Variants in AKAP9 observed in about 807,000 individuals in gnomAD.
The protein encoded by AKAP9 is A-kinase anchoring protein 9, also known as A-kinase anchor protein 9.
Under a neutral mutation model 488.5 loss-of-function variants are expected in AKAP9, and 311 were observed. The observed-to-expected ratio is 0.64, with a 90% CI of 0.58 to 0.70. The LOEUF (loss-of-function observed/expected upper bound fraction) is 0.70. AKAP9 is among the 30% of genes least tolerant of loss of function. The probability of loss-of-function intolerance (pLI) is 0.00; values close to 1 mark genes in which losing one functional copy is unlikely to be tolerated. For synonymous variants in AKAP9, 1,462 were observed against 1,483.5 expected (o/e 0.99, Z 0.33); for missense variants, 4,215 against 4,374.5 (o/e 0.96, Z 1.03).
In AKAP9 at chr7:92,029,981, G is replaced by A. The variant is rs758085826; in HGVS notation, c.4235G>A (p.Gly1412Asp). ...AGTTGTGTGAAAAAGAATATTGATGGTACAATAGAGGTATTATATTTTTAA... is the reference window on the plus strand; with the variant it reads ...AGTTGTGTGAAAAAGAATATTGATGATACAATAGAGGTATTATATTTTTAA... Reference protein sequence around the residue: ...PGSCVKKNIDGTIEFSGEFGV... With the variant: ...PGSCVKKNIDDTIEFSGEFGV... Residue 1412 changes from glycine (G) to aspartate (D), a missense_variant, in exon 15 of 50, where the codon GGT becomes GAT. Physicochemically the swap from Gly to Asp is moderately conservative, Grantham distance 94. This residue lies in a region of AKAP9 where 2,361 missense variants were observed against 2,430.0 expected (regional missense o/e 0.97). Transcript: ENST00000356239. 7 of 1,598,670 alleles carry A rather than the reference G, an allele frequency of 4.4e-6. No individual in the cohort carries two copies. The highest frequency in any genetic ancestry group is 5.1e-6 in the Non-Finnish European group (6 of 1,166,864).
rs760875274 is a variant in AKAP9 at position 92,031,571 on chromosome 7, A to G, written c.4305A>G (p.Gln1435=). The G allele has an allele frequency of 6.2e-7, 1 of 1,612,448 alleles. No individual in the cohort carries two copies. Among genetic ancestry groups the G allele is most frequent in the East Asian group, 2.2e-5 (1 of 44,686 alleles). The part of the protein sequence containing the change: ...ETNIVKLLEK[Q]YQEQLEEEVA... Reference sequence around the variant, plus strand: ...ATATCGTTAAGTTGCTTGAAAAACAATACCAAGAACAATTAGAAGAAGAAG... The same window carrying G: ...ATATCGTTAAGTTGCTTGAAAAACAGTACCAAGAACAATTAGAAGAAGAAG... Residue 1435 remains glutamine, a synonymous_variant, in exon 16 of 50, where the codon CAA becomes CAG. Transcript: ENST00000356239.
intron 14 of AKAP9, among the ~76,000 whole-genome samples, chr7:92,025,363 C>G (rs1417819823): frequency 6.6e-6 from 1 of 152,144 alleles, no homozygotes; most frequent in Non-Finnish European, 1.5e-5. Context: ...TTGACAAGGC[C>G]TTTGAATGAA....
At chr7:92,034,421 G>A (rs1156594651) in intron 16 of AKAP9, among the ~76,000 whole-genome samples, 2 of 150,924 alleles carry the variant, frequency 1.3e-5, no homozygotes, top group Admixed American at 6.6e-5. Context: ...GGGAAAGACA[G>A]CAAGGGCTCA....
chr7:92,006,415 T>C (rs1450307524), intron 8 of AKAP9, among the ~76,000 whole-genome samples: 1 of 152,144 alleles, frequency 6.6e-6, no homozygotes, highest in East Asian at 1.9e-4. Flanking sequence ...CCTCCTGAAA[T>C]GCTGGGATTA....
At position 92,096,673 on chromosome 7, in the gene AKAP9, G is replaced by T; in HGVS notation, c.9730-16G>T. On this transcript the variant is annotated splice_polypyrimidine_tract_variant and intron_variant, in intron 40 of 49. Coordinates refer to ENST00000356239, the MANE Select transcript of AKAP9 (RefSeq NM_005751.5). ...ATAATATTAACAAGTTCTTAAATTT[G>T]ATTTTCTCGTACCAGGATCTGAAGT... 2 of 1,613,464 alleles carry T rather than the reference G, an allele frequency of 1.2e-6. No individual in the cohort carries two copies. Among genetic ancestry groups the T allele is most frequent in the South Asian group, 2.2e-5 (2 of 90,776 alleles).
intron 1 of AKAP9, among the ~76,000 whole-genome samples, chr7:91,951,868 C>G (rs1792297774): frequency 6.6e-6 from 1 of 151,950 alleles, no homozygotes; most frequent in Non-Finnish European, 1.5e-5. Context: ...GAGTGAGACT[C>G]CGTCTCAAAA....
chr7:92,032,638 TATAAAGGAAATATATAAGGA>T (rs1157283574), intron 16 of AKAP9, among the ~76,000 whole-genome samples: 1 of 152,156 alleles, frequency 6.6e-6, no homozygotes, highest in African/African-American at 2.4e-5. Context: ...ATTGGTAGGA[TATAAAGGAAATATATAAGGA>T]ATTAGGAAAA....
intron 8 of AKAP9, among the ~76,000 whole-genome samples, chr7:92,008,983 T>TAA (rs58922447): frequency 0.012 from 1,625 of 130,698 alleles, 30 homozygotes; most frequent in African/African-American, 0.043. Context: ...AGACTCCATT[T>TAA]AAAAAAAAAA....
At chr7:92,095,366 T>A (rs1441939348) in intron 40 of AKAP9, among the ~76,000 whole-genome samples, 193 bp downstream of exon 40, 1 of 152,210 alleles carries the variant, frequency 6.6e-6, no homozygotes, top group Non-Finnish European at 1.5e-5. Flanking sequence ...TTTTTTTGTT[T>A]GTTTGTTTGT....
chr7:92,079,974 AG>A lies in AKAP9; in HGVS notation c.7843del (p.Val2615LeufsTer8), dbSNP rs1813241938. On this transcript the variant is annotated frameshift_variant, in exon 31 of 50. Coordinates refer to ENST00000356239, the MANE Select transcript of AKAP9 (RefSeq NM_005751.5). LOFTEE classifies it high-confidence loss of function. Reference protein sequence around the residue: ...LTLRISELESQVVEMHTSLIL... With the variant: ...LTLRISELESXVVEMHTSLIL... ...TTGAGAATATCAGAATTAGAAAGCC[AG>A]GTTGTTGAAATGCATACTAGTTTGA... 6.3e-7 allele frequency: 1 copy of A among 1,583,176 alleles called. No individual in the cohort carries two copies. The highest frequency in any genetic ancestry group is 8.6e-7 in the Non-Finnish European group (1 of 1,169,394).
At chr7:91,945,812 T>C (rs911270422) in intron 1 of AKAP9, among the ~76,000 whole-genome samples, 7 of 152,218 alleles carry the variant, frequency 4.6e-5, no homozygotes, top group African/African-American at 1.7e-4. Flanking sequence ...ACTTCATTTT[T>C]TTCCAAGTAT....
Position 92,097,668 on chromosome 7 carries a change from A to G in AKAP9, c.10481A>G (p.Asn3494Ser), listed in dbSNP as rs1240295587. ...QKIEGETKESNYAKLIEMNGG... is the reference protein window; with the variant it reads ...QKIEGETKESSYAKLIEMNGG... The stretch of plus-strand genomic sequence containing the variant: ...ATAGAAGGAGAAACAAAAGAATCAA[A>G]CTACGCTAAATTGATTGAAATGAAT... Residue 3494 changes from asparagine (N) to serine (S), a missense_variant, in exon 42 of 50, where the codon AAC (asparagine) becomes AGC (serine). Transcript: ENST00000356239. 2.5e-6 allele frequency: 4 copies of G among 1,614,132 alleles called. No individual in the cohort carries two copies. The highest frequency in any genetic ancestry group is 2.5e-6 in the Non-Finnish European group (3 of 1,179,962).
chr7:91,997,965 G>A (rs1343171200), intron 7 of AKAP9, among the ~76,000 whole-genome samples: 1 of 152,078 alleles, frequency 6.6e-6, no homozygotes, highest in Non-Finnish European at 1.5e-5. Flanking sequence ...AAATGGTCTT[G>A]GTTCCCTAGA....
At chr7:92,065,601 G>T (rs951539656) in intron 25 of AKAP9, 138 bp downstream of exon 25, 1 of 624,004 alleles carries the variant, frequency 1.6e-6, no homozygotes, top group Non-Finnish European at 2.8e-6. Context: ...TCTACTAATC[G>T]ATCAAAAAGT....
At chr7:92,018,441 CAG>C (rs1195590624) in intron 12 of AKAP9, among the ~76,000 whole-genome samples, 3,977 of 60,516 alleles carry the variant, frequency 0.066, 219 homozygotes, top group African/African-American at 0.22. Flanking sequence ...CACACACACA[CAG>C]AGAAATATTC....
At chr7:91,957,462 C>T (rs1793157899) in intron 1 of AKAP9, among the ~76,000 whole-genome samples, 1 of 152,126 alleles carries the variant, frequency 6.6e-6, no homozygotes, top group Admixed American at 6.5e-5. Context: ...CATATCTAAT[C>T]CTATGTGCTG....
intron 22 of AKAP9, among the ~76,000 whole-genome samples, chr7:92,057,031 A>G (rs545981855): frequency 7.2e-5 from 11 of 152,174 alleles, no homozygotes; most frequent in African/African-American, 2.4e-4. Context: ...GCTACCCAGA[A>G]GGCTATTCTA....
At chr7:91,997,161 A>G (rs928418917) in intron 7 of AKAP9, among the ~76,000 whole-genome samples, 1 of 152,230 alleles carries the variant, frequency 6.6e-6, no homozygotes, top group Non-Finnish European at 1.5e-5. Context: ...TATTAGGTAA[A>G]TATTTACAGA....
intron 28 of AKAP9, among the ~76,000 whole-genome samples, chr7:92,074,506 T>G (rs1244270520): frequency 6.6e-6 from 1 of 152,174 alleles, no homozygotes; most frequent in African/African-American, 2.4e-5. Flanking sequence ...GCAATCCCAT[T>G]ACTGGGTATA....
Sources: gnomAD v4.1 joint callset for allele counts (sites outside exome capture counted in the v4.1 genomes callset) on GRCh38, gnomAD v4.1.1 for gene constraint, gnomAD v4.1.1 regional missense constraint, MANE v1.5 for transcripts, NCBI Gene and HGNC (gene_info 2026-07-23, HGNC 2026-07-21) for gene names.